The following AGAP1 variants were observed in gnomAD, a reference collection of about 807,000 sequenced individuals.
AGAP1 encodes ArfGAP with GTPase domain, ankyrin repeat and PH domain 1.
AGAP1 carries 29 observed loss-of-function variants against 105.3 expected under a neutral mutation model. The ratio of observed to expected loss-of-function variants is 0.28; its 90% confidence interval spans 0.21 to 0.38. AGAP1 has a LOEUF of 0.38. Ranked by LOEUF, AGAP1 falls within the 10% of genes least tolerant of loss-of-function variation. The pLI is 1.00. For synonymous variants in AGAP1, 509 were observed against 485.9 expected, an observed-to-expected ratio of 1.05 and a Z score of -0.63; for missense variants, 998 against 1,165.1, an observed-to-expected ratio of 0.86 and a Z score of 2.09.
intron 12 of AGAP1, among the ~76,000 whole-genome samples, chr2:235,966,392 G>A (rs1292822416): frequency 6.6e-6 from 1 of 151,996 alleles, no homozygotes; most frequent in Non-Finnish European, 1.5e-5. Context: ...GAGGAGCCGT[G>A]ATGGTGGAGT....
chr2:235,495,662 C>T (rs1000360881), intron 1 of AGAP1, among the ~76,000 whole-genome samples: 1 of 152,246 alleles, frequency 6.6e-6, no homozygotes, highest in Non-Finnish European at 1.5e-5. Context: ...GCTACAGCAG[C>T]AGTCTGCCTT....
Position 235,866,431 on chromosome 2 carries a change from C to T in AGAP1, c.1051-16914C>T, listed in dbSNP as rs902514145. ...CCAGTACGGAATGGGAATTGAGACT[C>T]CAGCAAGTGGGGAAGAGACAGCGGA... On this transcript the variant is annotated intron_variant, in intron 9 of 17. Transcript: ENST00000304032. The surrounding 1 kb of genome is among the most constrained non-coding windows in gnomAD (Gnocchi z 6.1). 1.2e-4 allele frequency among the ~76,000 whole-genome samples: 19 copies of T among 152,096 alleles called. No individual in the cohort carries two copies. The highest frequency in any genetic ancestry group is 1.1e-3 in the Admixed American group (17 of 15,268).
chr2:235,625,841 T>A lies in AGAP1; in HGVS notation c.164-83338T>A, dbSNP rs1289423077. ...CACTATTGGGAGGTGTAGATGTTGC[T>A]ACTGCATCTGGAAAGCATTGTGACA... On this transcript the variant is annotated intron_variant, in intron 1 of 17. Transcript: ENST00000304032. The surrounding 1 kb of genome is among the most constrained non-coding windows in gnomAD (Gnocchi z 4.0). Among the ~76,000 whole-genome samples, 3 of 152,246 alleles carry A rather than the reference T, an allele frequency of 2.0e-5. No individual in the cohort carries two copies. The highest frequency in any genetic ancestry group is 1.5e-5 in the Non-Finnish European group (1 of 68,040).
rs1340851323 is a variant in AGAP1, at chr2:236,077,142, A to ATAT, written c.2114+27861_2114+27862insTAT. 2.2e-3 allele frequency among the ~76,000 whole-genome samples: 239 copies of ATAT among 106,596 alleles called. 1 individual carries two copies. Among genetic ancestry groups the ATAT allele is most frequent in the African/African-American group, 6.3e-3 (176 of 28,160 alleles). The allele number at this position is 106,596 out of a possible 152,430, so 69.9% of individuals were successfully genotyped here. On this transcript the variant is annotated intron_variant, in intron 16 of 17. Transcript: ENST00000304032. ...AAAAGAGTAGAAAAAAAAAAAAAAA[A>ATAT]ATATATATATATATATATTCATATT...
chr2:235,907,406 T>G (rs2051359023), intron 10 of AGAP1, among the ~76,000 whole-genome samples: 1 of 151,808 alleles, frequency 6.6e-6, no homozygotes, highest in African/African-American at 2.4e-5. Flanking sequence ...AGGAGTTGGA[T>G]ACCAGCCTGG....
rs1952114644 is a variant in AGAP1 at position 235,734,302 on chromosome 2, C to A, written c.311-6661C>A. On this transcript the variant is annotated intron_variant, in intron 3 of 17. Transcript: ENST00000304032. This position sits in a 1 kb window ranked among gnomAD's most constrained non-coding sequence, Gnocchi z 5.3. The stretch of plus-strand genomic sequence containing the variant: ...CCGAAAGGGACCCAGGACCTGCCAG[C>A]CATGCTCCTCCTGTCTTTCTCCCTT... 6.6e-6 allele frequency among the ~76,000 whole-genome samples: 1 copy of A among 152,134 alleles called. No homozygotes were observed. The highest frequency in any genetic ancestry group is 2.1e-4 in the South Asian group (1 of 4,822).
intron 9 of AGAP1, among the ~76,000 whole-genome samples, chr2:235,880,577 A>C (rs1006450607): frequency 3.4e-4 from 14 of 41,334 alleles, no homozygotes; most frequent in African/African-American, 2.0e-3. Flanking sequence ...CTAAAAATAC[A>C]AAAAAAAAAA....
chr2:235,710,196 C>T (rs1236083512), intron 2 of AGAP1, among the ~76,000 whole-genome samples: 4 of 152,204 alleles, frequency 2.6e-5, no homozygotes, highest in African/African-American at 9.6e-5. Context: ...CCCACTGACC[C>T]CAACCTCATT....
chr2:235,848,502 T>A (rs1044897445), intron 9 of AGAP1, among the ~76,000 whole-genome samples: 3 of 152,234 alleles, frequency 2.0e-5, no homozygotes, highest in African/African-American at 7.2e-5. Flanking sequence ...CAACAAAGAT[T>A]TGGGTTTAGC....
intron 1 of AGAP1, among the ~76,000 whole-genome samples, chr2:235,496,157 G>A (rs1941310356): frequency 6.6e-6 from 1 of 152,238 alleles, no homozygotes; most frequent in Admixed American, 6.5e-5. Flanking sequence ...GCATTTGGCA[G>A]CCCTGTAGAC....
At chr2:235,765,756 ACT>A (rs1175155699) in intron 6 of AGAP1, among the ~76,000 whole-genome samples, 1 of 152,074 alleles carries the variant, frequency 6.6e-6, no homozygotes, top group Non-Finnish European at 1.5e-5. Flanking sequence ...GTTTCAGAAA[ACT>A]CTCTCATTCA....
rs1351167529 is a variant in AGAP1, at chr2:235,600,071, G to GA, written c.163+105223dup. Among the ~76,000 whole-genome samples the GA allele has an allele frequency of 2.0e-5, 3 of 152,254 alleles. No homozygotes were observed. The highest frequency in any genetic ancestry group is 7.2e-5 in the African/African-American group (3 of 41,544). On this transcript the variant is annotated intron_variant, in intron 1 of 17. Coordinates refer to ENST00000304032, the MANE Select transcript of AGAP1 (RefSeq NM_001037131.3). This position sits in a 1 kb window ranked among gnomAD's most constrained non-coding sequence, Gnocchi z 4.8. ...CAGGGGAATATAAACAGCCTCCAGGGAGCCCCTCTCTCCATCCCAGCCTTT... is the reference window on the plus strand; with the variant it reads ...CAGGGGAATATAAACAGCCTCCAGGGAAGCCCCTCTCTCCATCCCAGCCTTT...
rs771661007 is a variant in AGAP1 at position 235,891,477 on chromosome 2, T to G, written c.1155+8028T>G. ...CTGTTCTAAGACCCTGAGAGTCCCT[T>G]TCTGTGGACTTAAATGTGAGCCTTA... On this transcript the variant is annotated intron_variant, in intron 10 of 17. Coordinates refer to ENST00000304032, the MANE Select transcript of AGAP1 (RefSeq NM_001037131.3). The surrounding 1 kb of genome is among the most constrained non-coding windows in gnomAD (Gnocchi z 4.2). Among the ~76,000 whole-genome samples the G allele has an allele frequency of 2.8e-4, 42 of 152,142 alleles. No individual in the cohort carries two copies. Among genetic ancestry groups the G allele is most frequent in the Non-Finnish European group, 5.4e-4 (37 of 68,034 alleles).
rs561616864 is a variant in AGAP1, at chr2:235,739,271, C to T, written c.311-1692C>T. Among the ~76,000 whole-genome samples, 34 of 152,348 alleles carry T rather than the reference C, an allele frequency of 2.2e-4. No individual in the cohort carries two copies. The highest frequency in any genetic ancestry group is 3.1e-4 in the African/African-American group (13 of 41,582). ...CGACCGTCTGCAGCACCGTCACATA[C>T]GTGGGGACGTCCACCTGTGTCAGAT... On this transcript the variant is annotated intron_variant, in intron 3 of 17. Coordinates refer to ENST00000304032, the MANE Select transcript of AGAP1 (RefSeq NM_001037131.3). This position sits in a 1 kb window ranked among gnomAD's most constrained non-coding sequence, Gnocchi z 5.3.
At chr2:235,593,689 C>T (rs1945424393) in intron 1 of AGAP1, among the ~76,000 whole-genome samples, 1 of 152,116 alleles carries the variant, frequency 6.6e-6, no homozygotes, top group Non-Finnish European at 1.5e-5. Flanking sequence ...AAGGACTAGG[C>T]TTAGTGGCTC....
Position 236,053,581 on chromosome 2 carries a change from G to A in AGAP1, c.2114+4300G>A, listed in dbSNP as rs1303548865. Among the ~76,000 whole-genome samples, 2 of 152,250 alleles carry A rather than the reference G, an allele frequency of 1.3e-5. No individual in the cohort carries two copies. The highest frequency in any genetic ancestry group is 2.1e-4 in the South Asian group (1 of 4,834). On this transcript the variant is annotated intron_variant, in intron 16 of 17. Coordinates refer to ENST00000304032, the MANE Select transcript of AGAP1 (RefSeq NM_001037131.3). The surrounding 1 kb of genome is among the most constrained non-coding windows in gnomAD (Gnocchi z 4.6). ...GCAGGACGGAGCAGAGCCCTCTGGC[G>A]CCACATTCCTCTTGGCAGAAGCCTC...
chr2:235,597,769 C>T (rs1179859481), intron 1 of AGAP1, among the ~76,000 whole-genome samples: 4 of 133,536 alleles, frequency 3.0e-5, no homozygotes, highest in Non-Finnish European at 4.8e-5. Context: ...TTGTGTGGAG[C>T]GTGCACGCGC....
In AGAP1 at chr2:236,035,303, G is replaced by C. The variant is rs2057346303; in HGVS notation, c.1646-1258G>C. Among the ~76,000 whole-genome samples, 1 of 152,204 alleles carries C rather than the reference G, an allele frequency of 6.6e-6. No individual in the cohort carries two copies. Among genetic ancestry groups the C allele is most frequent in the Non-Finnish European group, 1.5e-5 (1 of 68,038 alleles). ...ACAGGCCAGGGCCCGGAAACATTGAGTCAAATGAGATGTTGTGTCTGAAAA... is the reference window on the plus strand; with the variant it reads ...ACAGGCCAGGGCCCGGAAACATTGACTCAAATGAGATGTTGTGTCTGAAAA... On this transcript the variant is annotated intron_variant, in intron 13 of 17. Transcript: ENST00000304032. The surrounding 1 kb of genome is among the most constrained non-coding windows in gnomAD (Gnocchi z 4.2).
In AGAP1 at chr2:236,088,304, A is replaced by C. The variant is rs142648825; in HGVS notation, c.2115-31888A>C. ...CTCCTACAATGCTTTGAAAGGGTTTAATGCACACTGAAGAAACAGCCAGAT... is the reference window on the plus strand; with the variant it reads ...CTCCTACAATGCTTTGAAAGGGTTTCATGCACACTGAAGAAACAGCCAGAT... On this transcript the variant is annotated intron_variant, in intron 16 of 17. Coordinates refer to ENST00000304032, the MANE Select transcript of AGAP1 (RefSeq NM_001037131.3). 1.3e-3 allele frequency among the ~76,000 whole-genome samples: 196 copies of C among 152,380 alleles called. 1 individual carries two copies. The highest frequency in any genetic ancestry group is 2.3e-3 in the Admixed American group (35 of 15,312).
Sources: gnomAD v4.1 joint callset for allele counts (sites outside exome capture counted in the v4.1 genomes callset) on GRCh38, gnomAD v4.1.1 for gene constraint, Gnocchi (gnomAD v3.1) non-coding constraint, MANE v1.5 for transcripts, NCBI Gene and HGNC (gene_info 2026-07-23, HGNC 2026-07-21) for gene names.